The following GABBR2 variants were observed in gnomAD, a reference collection of about 807,000 sequenced individuals.
GABBR2 encodes G-protein coupled receptor 51.
A neutral mutation model predicts 105.6 loss-of-function variants in GABBR2; 23 were observed. That is an observed-to-expected ratio of 0.22 (90% CI 0.16 to 0.31). The LOEUF is 0.31. Ranked by LOEUF, GABBR2 falls within the 10% of genes least tolerant of loss-of-function variation. The pLI, the probability that GABBR2 is intolerant of heterozygous loss-of-function variation, is 1.00. For missense variants in GABBR2, 734 were observed against 1,245.5 expected, an observed-to-expected ratio of 0.59 and a Z score of 6.18; for synonymous variants, 478 against 499.7, an observed-to-expected ratio of 0.96 and a Z score of 0.58.
At chr9:98,301,264 C>T (rs1009496109) in intron 16 of GABBR2, among the ~76,000 whole-genome samples, 24 of 152,186 alleles carry the variant, frequency 1.6e-4, no homozygotes, top group African/African-American at 5.3e-4. Flanking sequence ...GGACTGAGCC[C>T]TCAACCTGTG....
chr9:98,505,529 A>G (rs1366043142), intron 3 of GABBR2, among the ~76,000 whole-genome samples: 2 of 152,150 alleles, frequency 1.3e-5, no homozygotes, highest in African/African-American at 4.8e-5. Context: ...TCCAAAAAAG[A>G]TAGGTCTAAG....
rs1825966179 is a variant in GABBR2 at position 98,438,214 on chromosome 9, T to TCCAC, written c.1236+15766_1236+15767insGTGG. ...ATCCATCCATCCATCCATCCATCCA[T>TCCAC]CCATCTATATCTATACACCTACCCA... On this transcript the variant is annotated intron_variant, in intron 7 of 18. Coordinates refer to ENST00000259455, the MANE Select transcript of GABBR2 (RefSeq NM_005458.8). Among the ~76,000 whole-genome samples the TCCAC allele has an allele frequency of 2.1e-5, 3 of 145,254 alleles. No homozygotes were observed. The Admixed American group carries it at 2.1e-4, about 10-fold the overall frequency.
chr9:98,628,019 T>C (rs1191158837), intron 1 of GABBR2, among the ~76,000 whole-genome samples: 1 of 152,252 alleles, frequency 6.6e-6, no homozygotes, highest in Non-Finnish European at 1.5e-5. Flanking sequence ...AAATGGCTTT[T>C]AATCAGATAA....
chr9:98,593,799 C>A (rs1267651979), intron 1 of GABBR2, among the ~76,000 whole-genome samples: 1 of 152,172 alleles, frequency 6.6e-6, no homozygotes, highest in South Asian at 2.1e-4. Context: ...ACCCCGTCAC[C>A]GTGGCCACAC....
intron 4 of GABBR2, among the ~76,000 whole-genome samples, chr9:98,489,296 G>T (rs1052163911): frequency 6.6e-6 from 1 of 152,196 alleles, no homozygotes; most frequent in Non-Finnish European, 1.5e-5. Flanking sequence ...GTTGGATGAG[G>T]TCAGAAGAAG....
chr9:98,565,708 C>T (rs1167766), intron 2 of GABBR2, among the ~76,000 whole-genome samples: 2 of 151,946 alleles, frequency 1.3e-5, no homozygotes, highest in African/African-American at 4.8e-5. Flanking sequence ...TATAATGCCA[C>T]TGCCAAGCCC....
intron 1 of GABBR2, among the ~76,000 whole-genome samples, chr9:98,616,035 T>A (rs567592981): frequency 1.3e-5 from 2 of 152,372 alleles, no homozygotes; most frequent in South Asian, 4.1e-4. Context: ...GTCTGACACG[T>A]AGAAAGCTGA....
intron 1 of GABBR2, among the ~76,000 whole-genome samples, chr9:98,648,108 T>TA (rs1177577717): frequency 1.7e-4 from 12 of 71,652 alleles, no homozygotes; most frequent in African/African-American, 6.2e-4. Flanking sequence ...TGTGTGTGTG[T>TA]GTGTGTGTAT....
At chr9:98,415,179 G>A (rs546435222) in intron 7 of GABBR2, among the ~76,000 whole-genome samples, 44 of 152,150 alleles carry the variant, frequency 2.9e-4, no homozygotes, top group African/African-American at 8.4e-4. Context: ...GGTTGGTCCC[G>A]GGAGTGTGAT....
chr9:98,357,503 T>G (rs986687307), intron 13 of GABBR2, among the ~76,000 whole-genome samples: 4 of 151,738 alleles, frequency 2.6e-5, no homozygotes, highest in Non-Finnish European at 5.9e-5. Flanking sequence ...CAAAAATTAA[T>G]GGGGTGTGGT....
intron 13 of GABBR2, among the ~76,000 whole-genome samples, chr9:98,353,259 T>C (rs1301070803): frequency 7.9e-5 from 12 of 151,826 alleles, no homozygotes; most frequent in Non-Finnish European, 1.6e-4. Flanking sequence ...TAAAGTTTTA[T>C]CATGAGATTG....
chr9:98,518,981 A>G (rs923845509), intron 3 of GABBR2, among the ~76,000 whole-genome samples: 1 of 152,196 alleles, frequency 6.6e-6, no homozygotes, highest in African/African-American at 2.4e-5. Context: ...AACTAAGCAG[A>G]TTTTATAATG....
At chr9:98,667,225 T>C (rs1830348266) in intron 1 of GABBR2, among the ~76,000 whole-genome samples, 1 of 152,100 alleles carries the variant, frequency 6.6e-6, no homozygotes, top group South Asian at 2.1e-4. Flanking sequence ...GGGGTTGTAG[T>C]TTGTCCCTCT....
intron 1 of GABBR2, among the ~76,000 whole-genome samples, chr9:98,605,194 C>T (rs182092757): frequency 4.6e-5 from 7 of 152,378 alleles, no homozygotes; most frequent in African/African-American, 1.4e-4. Flanking sequence ...AGTGCAACAG[C>T]GGAGTAGCCA....
intron 7 of GABBR2, among the ~76,000 whole-genome samples, chr9:98,452,773 C>G (rs1826254115): frequency 6.6e-6 from 1 of 152,174 alleles, no homozygotes. Context: ...GGATGAGAAA[C>G]TTGAGGCTCA....
intron 14 of GABBR2, among the ~76,000 whole-genome samples, chr9:98,308,897 C>A (rs1830593561): frequency 6.6e-6 from 1 of 152,346 alleles, no homozygotes; most frequent in Non-Finnish European, 1.5e-5. Flanking sequence ...GGCACAGGCT[C>A]CTTTGAAGAG....
At chr9:98,292,769 C>T (rs1298027121) in intron 18 of GABBR2, among the ~76,000 whole-genome samples, 2 of 151,678 alleles carry the variant, frequency 1.3e-5, no homozygotes, top group East Asian at 3.8e-4. Context: ...TCAGAGCATT[C>T]TTCTGTCTGT....
At chr9:98,632,321 T>C (rs777487209) in intron 1 of GABBR2, among the ~76,000 whole-genome samples, 1 of 152,146 alleles carries the variant, frequency 6.6e-6, no homozygotes, top group Non-Finnish European at 1.5e-5. Context: ...TGTGAAGAAG[T>C]AGAGATAATG....
At position 98,677,894 on chromosome 9, in the gene GABBR2, C is replaced by T. The variant is rs532598586; in HGVS notation, c.321+30523G>A. ...CTGGACACCAGTTTCAAACAGAAAT[C>T]ACTCACCCGTAAATATTAGGGCCTG... On this transcript the variant is annotated intron_variant, in intron 1 of 18. Transcript: ENST00000259455. 3.3e-5 allele frequency among the ~76,000 whole-genome samples: 5 copies of T among 152,290 alleles called. No homozygotes were observed. The East Asian group carries it at 9.6e-4, about 29-fold the overall frequency.
Sources: allele counts gnomAD v4.1 joint callset (sites outside exome capture counted in the v4.1 genomes callset), GRCh38; gene constraint gnomAD v4.1.1; transcripts MANE v1.5; gene names NCBI Gene and HGNC (gene_info 2026-07-23, HGNC 2026-07-21).